TMEM132D: variants seen among roughly 807,000 people sequenced by gnomAD.
The protein encoded by TMEM132D is transmembrane protein 132D.
A neutral mutation model predicts 62.3 loss-of-function variants in TMEM132D; 21 were observed. The ratio of observed to expected loss-of-function variants is 0.34; its 90% CI spans 0.24 to 0.49. The LOEUF (loss-of-function observed/expected upper bound fraction) is 0.49. TMEM132D is among the 20% of genes least tolerant of loss of function. The probability of loss-of-function intolerance (pLI) is 0.99; values close to 1 mark genes in which losing one functional copy is unlikely to be tolerated. For synonymous variants in TMEM132D, 621 were observed against 575.6 expected (o/e 1.08, Z -1.13); for missense variants, 1,346 against 1,402.8 (o/e 0.96, Z 0.65).
chr12:129,191,292 GACACAC>G lies in TMEM132D; in HGVS notation c.1443+18222_1443+18227del, dbSNP rs56128227. 3.5e-3 allele frequency among the ~76,000 whole-genome samples: 503 copies of G among 145,220 alleles called. 2 individuals are homozygous for G. The highest frequency in any genetic ancestry group is 6.8e-3 in the Middle Eastern group (2 of 292). On this transcript the variant is annotated intron_variant, in intron 5 of 8. Transcript: ENST00000422113. Reference sequence around the variant, plus strand: ...GAAAAGACACAGAGAAGGGAAATAGGACACACACACACACACACACACACACACACA... The same window carrying G: ...GAAAAGACACAGAGAAGGGAAATAGGACACACACACACACACACACACACA...
At chr12:129,493,849 T>C (rs1874870285) in intron 3 of TMEM132D, among the ~76,000 whole-genome samples, 1 of 152,188 alleles carries the variant, frequency 6.6e-6, no homozygotes, top group South Asian at 2.1e-4. Flanking sequence ...TGGGGATCTA[T>C]AAATAATCCC....
intron 3 of TMEM132D, among the ~76,000 whole-genome samples, chr12:129,404,929 T>C (rs1871735788): frequency 6.6e-6 from 1 of 152,176 alleles, no homozygotes; most frequent in Admixed American, 6.5e-5. Context: ...AGATCATTTA[T>C]TTTTTTAATA....
chr12:129,515,822 G>T (rs1875657257), intron 3 of TMEM132D, among the ~76,000 whole-genome samples: 1 of 152,136 alleles, frequency 6.6e-6, no homozygotes, highest in African/African-American at 2.4e-5. Flanking sequence ...TTGAACCCAT[G>T]CATAAAGCCA....
At chr12:129,353,510 G>A (rs1869941024) in intron 3 of TMEM132D, among the ~76,000 whole-genome samples, 4 of 152,046 alleles carry the variant, frequency 2.6e-5, no homozygotes, top group Admixed American at 2.6e-4. Flanking sequence ...ACATCGCTGA[G>A]TCAAATAGGT....
At chr12:129,457,205 G>A (rs921152488) in intron 3 of TMEM132D, among the ~76,000 whole-genome samples, 2 of 152,062 alleles carry the variant, frequency 1.3e-5, no homozygotes, top group African/African-American at 4.8e-5. Flanking sequence ...GTCCAACAAT[G>A]ACAGACTAGA....
At chr12:129,659,356 C>A (rs1328775984) in intron 2 of TMEM132D, among the ~76,000 whole-genome samples, 1 of 152,184 alleles carries the variant, frequency 6.6e-6, no homozygotes. Context: ...TCCAGCATGA[C>A]AAAGCTGGTT....
At chr12:129,092,001 G>A (rs981381160) in intron 5 of TMEM132D, among the ~76,000 whole-genome samples, 12 of 152,278 alleles carry the variant, frequency 7.9e-5, no homozygotes, top group South Asian at 2.1e-4. Context: ...ATTACTTCTC[G>A]TTAAAATATG....
Position 129,425,750 on chromosome 12 carries a change from T to G in TMEM132D, c.1116-87933A>C, listed in dbSNP as rs1168406265. ...ACATTTTCTAAGAGCAGGTTTCTAC[T>G]GAGGTCATTACCTGCTTCATTGTGC... On this transcript the variant is annotated intron_variant, in intron 3 of 8. Coordinates refer to ENST00000422113, the MANE Select transcript of TMEM132D (RefSeq NM_133448.3). 5.9e-5 allele frequency among the ~76,000 whole-genome samples: 9 copies of G among 152,192 alleles called. No individual in the cohort carries two copies. The East Asian group carries it at 1.7e-3, about 29-fold the overall frequency.
chr12:129,569,342 T>G (rs1877450366), intron 2 of TMEM132D, among the ~76,000 whole-genome samples: 1 of 151,780 alleles, frequency 6.6e-6, no homozygotes, highest in Non-Finnish European at 1.5e-5. Context: ...GGGGAGAGTT[T>G]TATTGCACAG....
At chr12:129,417,617 A>G (rs1014375131) in intron 3 of TMEM132D, among the ~76,000 whole-genome samples, 20 of 152,220 alleles carry the variant, frequency 1.3e-4, no homozygotes, top group Non-Finnish European at 4.4e-5. Context: ...AACCTAGGCA[A>G]TACCATTCAG....
In TMEM132D at chr12:129,814,961, A is replaced by G. The variant is rs74456842; in HGVS notation, c.79+88300T>C. 3.4e-3 allele frequency among the ~76,000 whole-genome samples: 513 copies of G among 152,172 alleles called. 3 individuals carry two copies. The highest frequency in any genetic ancestry group is 0.012 in the African/African-American group (492 of 41,508). On this transcript the variant is annotated intron_variant, in intron 1 of 8. Coordinates refer to ENST00000422113, the MANE Select transcript of TMEM132D (RefSeq NM_133448.3). ...CCCCCACATGCCACATTCTCCATCA[A>G]ATTATATCCTCATTCCCTTCCATTT...
At chr12:129,553,697 A>T (rs531342073) in intron 2 of TMEM132D, among the ~76,000 whole-genome samples, 5 of 152,320 alleles carry the variant, frequency 3.3e-5, no homozygotes, top group South Asian at 4.1e-4. Flanking sequence ...CCAGCACACC[A>T]CAAGCACTCA....
chr12:129,443,320 C>T (rs1872993568), intron 3 of TMEM132D, among the ~76,000 whole-genome samples: 1 of 152,202 alleles, frequency 6.6e-6, no homozygotes. Flanking sequence ...GTATCCCACA[C>T]CTCAAGGTCT....
At chr12:129,851,632 G>A (rs1873546047) in intron 1 of TMEM132D, among the ~76,000 whole-genome samples, 1 of 152,164 alleles carries the variant, frequency 6.6e-6, no homozygotes, top group Admixed American at 6.5e-5. Context: ...TTATTTTTAA[G>A]TGATGTGTGC....
chr12:129,650,348 C>T (rs1465518351), intron 2 of TMEM132D, among the ~76,000 whole-genome samples: 2 of 152,030 alleles, frequency 1.3e-5, no homozygotes, highest in South Asian at 2.1e-4. Context: ...ATGATTCAGA[C>T]GTTGTATTTT....
chr12:129,083,834 T>C (rs1198251289), intron 6 of TMEM132D, among the ~76,000 whole-genome samples: 1 of 152,212 alleles, frequency 6.6e-6, no homozygotes, highest in Non-Finnish European at 1.5e-5. Context: ...ACCACTCTCT[T>C]TACATGGTAC....
chr12:129,712,144 A>G (rs567377691), intron 1 of TMEM132D, among the ~76,000 whole-genome samples: 9 of 152,070 alleles, frequency 5.9e-5, no homozygotes, highest in African/African-American at 1.9e-4. Flanking sequence ...TATTTTTTTG[A>G]GATGGAGTCT....
chr12:129,246,346 A>AGGATGAGCACCAC (rs1208575193), intron 4 of TMEM132D, among the ~76,000 whole-genome samples: 1 of 152,216 alleles, frequency 6.6e-6, no homozygotes, highest in Non-Finnish European at 1.5e-5. Context: ...AACAGCACCA[A>AGGATGAGCACCAC]GGCTGAGCAC....
Position 129,079,838 on chromosome 12 carries a change from AAG to A in TMEM132D, c.1924-1115_1924-1114del, listed in dbSNP as rs750388872. Among the ~76,000 whole-genome samples the A allele has an allele frequency of 2.6e-5, 4 of 152,290 alleles. No individual in the cohort carries two copies. The East Asian group carries it at 7.7e-4, about 29-fold the overall frequency. The stretch of plus-strand genomic sequence containing the variant: ...GACTCAGGAGGACACAGTGAGAAAA[AAG>A]AGAAAAGAACCAAGGCTCGCAGGAG... On this transcript the variant is annotated intron_variant, in intron 7 of 8. Coordinates refer to ENST00000422113, the MANE Select transcript of TMEM132D (RefSeq NM_133448.3).
Sources: allele counts gnomAD v4.1 joint callset (sites outside exome capture counted in the v4.1 genomes callset), GRCh38; gene constraint gnomAD v4.1.1; transcripts MANE v1.5; gene names NCBI Gene and HGNC (gene_info 2026-07-23, HGNC 2026-07-21).